Variants in PSMA4 observed in about 807,000 individuals in gnomAD.
The protein encoded by PSMA4 is proteasome subunit alpha type-4.
In PSMA4, 8 loss-of-function variants were observed where a neutral mutation model predicts 37.2. The observed-to-expected ratio is 0.22, with a 90% confidence interval of 0.13 to 0.39. PSMA4 has a LOEUF of 0.39. PSMA4 is among the 10% of genes least tolerant of loss of function. The pLI is 1.00. For missense variants in PSMA4, 169 were observed against 305.1 expected, an observed-to-expected ratio of 0.55 and a Z score of 3.32; for synonymous variants, 93 against 98.8, an observed-to-expected ratio of 0.94 and a Z score of 0.35.
chr15:78,552,410 T>TA lies in PSMA4; in HGVS notation c.*3473dup, dbSNP rs1171207826. 1.3e-5 allele frequency: 2 copies of TA among 152,190 alleles called. No individual in the cohort carries two copies. The highest frequency in any genetic ancestry group is 1.9e-4 in the East Asian group (1 of 5,206). The allele number at this position is 152,190 out of a possible 1,614,324, so 9.4% of individuals were successfully genotyped here. A position where few individuals can be genotyped will look rare whatever the true frequency, so the allele number is the denominator to read the frequency against. ...ATCATGCTTTTAAAAATAAATTATG[T>TA]AAAAAAATCATGTACTCCTGTGTAT... On this transcript the variant is annotated 3_prime_UTR_variant, in exon 9 of 9. Transcript: ENST00000044462.
rs751350183 is a variant in PSMA4, at chr15:78,548,903, C to T, written c.745C>T (p.Arg249Cys). ...KHEEEEAKAE[R>C]EKKEKEQKEK... Reference sequence around the variant, plus strand: ...TGAGGAAGAAGAAGCCAAAGCTGAGCGTGAGAAGAAAGAAAAAGAACAGAA... The same window carrying T: ...TGAGGAAGAAGAAGCCAAAGCTGAGTGTGAGAAGAAAGAAAAAGAACAGAA... The change falls in exon 9 of 9, where the codon CGT (arginine) becomes TGT (cysteine). Residue 249 changes from arginine (R) to cysteine (C), a missense_variant. By Grantham distance (180) the Arg-to-Cys change is radical. Coordinates refer to ENST00000044462, the MANE Select transcript of PSMA4 (RefSeq NM_002789.6). The T allele has an allele frequency of 6.2e-6, 10 of 1,608,034 alleles. No homozygotes were observed. Among genetic ancestry groups the T allele is most frequent in the African/African-American group, 1.3e-5 (1 of 74,474 alleles).
rs113738721 is a variant in PSMA4, at chr15:78,549,161, CT to C, written c.*224del. ...CGTCTTAATCTTCCACACACATCCC[CT>C]TTTTTTGGAATAAAATTTGGAAAAT... On this transcript the variant is annotated 3_prime_UTR_variant, in exon 9 of 9. Coordinates refer to ENST00000044462, the MANE Select transcript of PSMA4 (RefSeq NM_002789.6). 319 of 599,752 alleles carry C rather than the reference CT, an allele frequency of 5.3e-4. 1 individual carries two copies. The African/African-American group carries it at 5.4e-3, about 10-fold the overall frequency. 37.2% of individuals were successfully genotyped at this position (599,752 alleles called of 1,614,324 possible).
intron 5 of PSMA4, 118 bp from the exon 6 acceptor site, chr15:78,544,751 A>G: frequency 1.7e-6 from 1 of 590,698 alleles, no homozygotes; most frequent in Middle Eastern, 2.6e-4. Flanking sequence ...CTCCCCTTCA[A>G]ATTACAAATG....
At position 78,541,902 on chromosome 15, in the gene PSMA4, C is replaced by G. The variant is rs1422955377; in HGVS notation, c.-23-3C>G. ...TAATGATGATCTGATTTTCTTTTTA[C>G]AGGAACTATATAAAGTTCAGAAAAC... On this transcript the variant is annotated splice_region_variant and splice_polypyrimidine_tract_variant and intron_variant, in intron 1 of 8. Coordinates refer to ENST00000044462, the MANE Select transcript of PSMA4 (RefSeq NM_002789.6). 6.3e-7 allele frequency: 1 copy of G among 1,577,692 alleles called. No homozygotes were observed. Among genetic ancestry groups the G allele is most frequent in the Middle Eastern group, 1.7e-4 (1 of 5,976 alleles).
At chr15:78,545,548 G>A in intron 6 of PSMA4, 86 bp from the exon 7 acceptor site, 3 of 1,450,706 alleles carry the variant, frequency 2.1e-6, no homozygotes, top group Non-Finnish European at 1.9e-6. Context: ...ACAGAGTAGG[G>A]TTTAGCTACC....
At chr15:78,547,123 A>G (rs1258465021) in intron 8 of PSMA4, among the ~76,000 whole-genome samples, 1 of 152,184 alleles carries the variant, frequency 6.6e-6, no homozygotes, top group Non-Finnish European at 1.5e-5. Flanking sequence ...AACCTTACGA[A>G]TTAGGTGATG....
chr15:78,544,965 AT>A lies in PSMA4; in HGVS notation c.376+15del. Reference sequence around the variant, plus strand: ...CTTATACACAATTTGGAGGTATTTAATTTTTTTGAAAATTTTATTCGAAAAA... The same window carrying A: ...CTTATACACAATTTGGAGGTATTTAATTTTTTGAAAATTTTATTCGAAAAA... On this transcript the variant is annotated intron_variant, in intron 6 of 8. Coordinates refer to ENST00000044462, the MANE Select transcript of PSMA4 (RefSeq NM_002789.6). The A allele has an allele frequency of 1.3e-6, 2 of 1,582,648 alleles. No homozygotes were observed. Among genetic ancestry groups the A allele is most frequent in the Non-Finnish European group, 8.6e-7 (1 of 1,160,236 alleles).
At chr15:78,546,773 T>C in intron 8 of PSMA4, 75 bp downstream of exon 8, 2 of 1,461,774 alleles carry the variant, frequency 1.4e-6, no homozygotes, top group East Asian at 2.5e-5. Context: ...TTTTTCTTTT[T>C]TTTTTTTTTT....
Position 78,548,795 on chromosome 15 carries a change from A to G in PSMA4, c.637A>G (p.Ile213Val). The change falls in exon 9 of 9, where the codon ATT (isoleucine) becomes GTT (valine). Residue 213 changes from isoleucine to valine, a missense_variant. Ile to Val is a conservative substitution (Grantham distance 29). Transcript: ENST00000044462. ...ATGTATGTGTTTGTTTTTAGTGGAA[A>G]TTGCAACACTAACAAGAGAGAATGG... Reference protein sequence around the residue: ...VSKLSAEKVEIATLTRENGKT... With the variant: ...VSKLSAEKVEVATLTRENGKT... 6.2e-7 allele frequency: 1 copy of G among 1,601,498 alleles called. No individual in the cohort carries two copies. The highest frequency in any genetic ancestry group is 1.1e-5 in the South Asian group (1 of 87,820).
intron 8 of PSMA4, among the ~76,000 whole-genome samples, chr15:78,547,470 A>G (rs905461076): frequency 2.0e-5 from 3 of 152,332 alleles, no homozygotes; most frequent in Middle Eastern, 3.4e-3. Flanking sequence ...TTCTTAATCT[A>G]CTAATCTCTT....
chr15:78,546,586 A>C lies in PSMA4; in HGVS notation c.519A>C (p.Ser173=). The C allele has an allele frequency of 6.3e-7, 1 of 1,584,760 alleles. No individual in the cohort carries two copies. Residue 173 remains serine (S), a synonymous_variant, in exon 8 of 9, where the codon TCA becomes TCC. Coordinates refer to ENST00000044462, the MANE Select transcript of PSMA4 (RefSeq NM_002789.6). ...CIGNNSAAAV[S]MLKQDYKEGE... is the part of the protein sequence containing the mutation. Reference sequence around the variant, plus strand: ...TTCATGTTTTATAGGCAGCTGTGTCAATGTTGAAACAAGACTATAAAGAAG... The same window carrying C: ...TTCATGTTTTATAGGCAGCTGTGTCCATGTTGAAACAAGACTATAAAGAAG...
rs2052607791 is a variant in PSMA4 at position 78,549,088 on chromosome 15, T to C, written c.*144T>C. 3 of 1,216,228 alleles carry C rather than the reference T, an allele frequency of 2.5e-6. No individual in the cohort carries two copies. The South Asian group carries it at 8.1e-5, about 33-fold the overall frequency. 75.3% of individuals were successfully genotyped at this position (1,216,228 alleles called of 1,614,324 possible). A position where few individuals can be genotyped will look rare whatever the true frequency, so the allele number is the denominator to read the frequency against. On this transcript the variant is annotated 3_prime_UTR_variant, in exon 9 of 9. Transcript: ENST00000044462. Reference sequence around the variant, plus strand: ...TACTGAATTGGGTCCTTGTCATTTCTGTCCAATTGAATACTTTATTGTAAC... The same window carrying C: ...TACTGAATTGGGTCCTTGTCATTTCCGTCCAATTGAATACTTTATTGTAAC...
intron 8 of PSMA4, 142 bp from the exon 9 acceptor site, chr15:78,548,648 A>G: frequency 9.5e-7 from 1 of 1,053,706 alleles, no homozygotes; most frequent in East Asian, 2.8e-5. Context: ...AAAAGGGAAT[A>G]ATGTTAAGTA....
Position 78,550,952 on chromosome 15 carries a change from A to G in PSMA4, c.*2008A>G, listed in dbSNP as rs2052634744. On this transcript the variant is annotated 3_prime_UTR_variant, in exon 9 of 9. Transcript: ENST00000044462. Reference sequence around the variant, plus strand: ...TCAGCAAGTAGTGAAGATGAATGGCACGTCTTCACCCTCCAGTCTTGCTAC... The same window carrying G: ...TCAGCAAGTAGTGAAGATGAATGGCGCGTCTTCACCCTCCAGTCTTGCTAC... 6.6e-6 allele frequency: 1 copy of G among 152,226 alleles called. No homozygotes were observed. Among genetic ancestry groups the G allele is most frequent in the Admixed American group, 6.5e-5 (1 of 15,288 alleles). The allele number at this position is 152,226 out of a possible 1,614,324, so 9.4% of individuals were successfully genotyped here. A position where few individuals can be genotyped will look rare whatever the true frequency, so the allele number is the denominator to read the frequency against.
chr15:78,542,346 C>T (rs1043125282), intron 3 of PSMA4, 127 bp downstream of exon 3: 8 of 1,387,298 alleles, frequency 5.8e-6, no homozygotes, highest in East Asian at 2.3e-5. Flanking sequence ...AAGCAATTAT[C>T]ATCACCAGGT....
intron 4 of PSMA4, among the ~76,000 whole-genome samples, chr15:78,543,126 C>T (rs976026601): frequency 3.3e-5 from 5 of 152,186 alleles, no homozygotes; most frequent in African/African-American, 7.2e-5. Flanking sequence ...TTAGAGGTCT[C>T]GAAGAATTTA....
At chr15:78,544,524 T>C (rs28392948) in intron 5 of PSMA4, 281,644 of 435,652 alleles carry the variant, frequency 0.65, 93,210 homozygotes, top group East Asian at 0.87. Flanking sequence ...TGGTCTCGAT[T>C]TCCTGACCTC....
chr15:78,541,798 G>C, intron 1 of PSMA4, 107 bp from the exon 2 acceptor site: 1 of 942,040 alleles, frequency 1.1e-6, no homozygotes, highest in Non-Finnish European at 1.7e-6. Context: ...CATAATGCCT[G>C]ACACTTAGCT....
intron 8 of PSMA4, among the ~76,000 whole-genome samples, chr15:78,547,110 A>G (rs1172261660): frequency 6.6e-6 from 1 of 152,228 alleles, no homozygotes; most frequent in Non-Finnish European, 1.5e-5. Flanking sequence ...TCATTGAAAC[A>G]GCAACCTTAC....
Sources: gnomAD v4.1 joint callset for allele counts (sites outside exome capture counted in the v4.1 genomes callset) on GRCh38, gnomAD v4.1.1 for gene constraint, MANE v1.5 for transcripts, NCBI Gene and HGNC (gene_info 2026-07-23, HGNC 2026-07-21) for gene names.